The following PIP4K2B variants were observed in gnomAD, a reference collection of about 807,000 sequenced individuals.
PIP4K2B encodes phosphatidylinositol 5-phosphate 4-kinase type-2 beta.
In PIP4K2B, 3 loss-of-function variants were observed where a neutral mutation model predicts 42.0. That is an observed-to-expected ratio of 0.07 (90% CI 0.03 to 0.18). The LOEUF (loss-of-function observed/expected upper bound fraction) is 0.18. Ranked by LOEUF, PIP4K2B falls within the 10% of genes least tolerant of loss-of-function variation. The pLI, the probability that PIP4K2B is intolerant of heterozygous loss-of-function variation, is 1.00. For missense variants in PIP4K2B, 332 were observed against 562.3 expected (o/e 0.59, Z 4.14); for synonymous variants, 204 against 210.1 (o/e 0.97, Z 0.25).
At position 38,771,168 on chromosome 17, in the gene PIP4K2B, G is replaced by A. The variant is rs756733791; in HGVS notation, c.912C>T (p.Asp304=). The A allele has an allele frequency of 1.5e-5, 24 of 1,613,858 alleles. No homozygotes were observed. Among genetic ancestry groups the A allele is most frequent in the East Asian group, 4.5e-5 (2 of 44,878 alleles). The change falls in exon 8 of 10, where the codon GAC becomes GAT. Residue 304 remains aspartate, a synonymous_variant. Coordinates refer to ENST00000619039, the MANE Select transcript of PIP4K2B (RefSeq NM_003559.5). ...EEMEVEERAE[D]EECENDGVGG... ...CCACCCCATCATTCTCACACTCCTCGTCCTCTGCCCGCTCCTCCACCTCCA... is the reference window on the plus strand; with the variant it reads ...CCACCCCATCATTCTCACACTCCTCATCCTCTGCCCGCTCCTCCACCTCCA...
In PIP4K2B at chr17:38,799,229, G is replaced by A. The variant is rs374070076; in HGVS notation, c.159+37C>T. On this transcript the variant is annotated intron_variant, in intron 1 of 9. Transcript: ENST00000619039. This position sits in a 1 kb window ranked among gnomAD's most constrained non-coding sequence, Gnocchi z 4.4. ...GGCTGCAGGGGGCGTGGGAGCGCGC[G>A]GGGCCGCGCTCAGAGGGGCGCGCAG... 9.2e-5 allele frequency: 143 copies of A among 1,547,606 alleles called. No homozygotes were observed. Among genetic ancestry groups the A allele is most frequent in the South Asian group, 1.9e-4 (16 of 84,200 alleles).
chr17:38,770,397 G>T, intron 9 of PIP4K2B, 39 bp downstream of exon 9: 2 of 1,303,758 alleles, frequency 1.5e-6, no homozygotes, highest in Non-Finnish European at 1.1e-6. Context: ...CAGATGCACC[G>T]ACCCAGCTGG....
intron 3 of PIP4K2B, among the ~76,000 whole-genome samples, chr17:38,781,049 G>T (rs1194306305): frequency 1.3e-5 from 2 of 152,130 alleles, no homozygotes; most frequent in South Asian, 4.1e-4. Flanking sequence ...GTCTCTTGGG[G>T]GTAGCAAAGA....
At chr17:38,782,448 C>G (rs1197125625) in intron 3 of PIP4K2B, among the ~76,000 whole-genome samples, 1 of 152,206 alleles carries the variant, frequency 6.6e-6, no homozygotes, top group African/African-American at 2.4e-5. Context: ...AACCCCTCAC[C>G]AAGGAACAAT....
At position 38,784,433 on chromosome 17, in the gene PIP4K2B, G is replaced by A. The variant is rs1909891015; in HGVS notation, c.258-94C>T. ...TTTTTTGTAATAGAGACAGAGTCTT[G>A]CTATGTTGCCCAGACTGGTCTTGAA... On this transcript the variant is annotated intron_variant, in intron 2 of 9. Transcript: ENST00000619039. The A allele has an allele frequency of 9.7e-6, 7 of 718,378 alleles. No homozygotes were observed. The South Asian group carries it at 1.3e-4, about 14-fold the overall frequency. The allele number at this position is 718,378 out of a possible 1,614,324, so 44.5% of individuals were successfully genotyped here.
At position 38,769,280 on chromosome 17, in the gene PIP4K2B, G is replaced by A; in HGVS notation, c.*411C>T. On this transcript the variant is annotated 3_prime_UTR_variant, in exon 10 of 10. Coordinates refer to ENST00000619039, the MANE Select transcript of PIP4K2B (RefSeq NM_003559.5). ...CTGAGAGCTCAGCAAAGATGGGGAG[G>A]GTGGGTAGGCTGATGAAATATGATT... The A allele has an allele frequency of 5.4e-6, 1 of 184,364 alleles. No homozygotes were observed. Among genetic ancestry groups the A allele is most frequent in the Non-Finnish European group, 1.1e-5 (1 of 87,750 alleles). 11.4% of individuals were successfully genotyped at this position (184,364 alleles called of 1,614,324 possible). A position where few individuals can be genotyped will look rare whatever the true frequency, so the allele number is the denominator to read the frequency against.
chr17:38,786,677 C>T (rs1350917997), intron 2 of PIP4K2B, 146 bp downstream of exon 2: 1 of 689,574 alleles, frequency 1.5e-6, no homozygotes, highest in East Asian at 2.5e-5. Context: ...TTTTCCTAGC[C>T]AGTTTGTCCG....
At chr17:38,777,175 C>T (rs1338510651) in intron 7 of PIP4K2B, among the ~76,000 whole-genome samples, 21 of 152,258 alleles carry the variant, frequency 1.4e-4, no homozygotes, top group South Asian at 4.1e-4. Context: ...ACAATCCTTT[C>T]GCCTCAGCCT....
At chr17:38,778,124 C>T (rs989342415) in intron 6 of PIP4K2B, among the ~76,000 whole-genome samples, 5 of 152,122 alleles carry the variant, frequency 3.3e-5, no homozygotes, top group Non-Finnish European at 5.9e-5. Context: ...CTATGAAGAA[C>T]GTAGTGAGGG....
At chr17:38,793,542 C>G (rs1259677603) in intron 1 of PIP4K2B, among the ~76,000 whole-genome samples, 1 of 152,140 alleles carries the variant, frequency 6.6e-6, no homozygotes, top group Admixed American at 6.5e-5. Flanking sequence ...CCATGCCAGG[C>G]CCCTCTGAAG....
chr17:38,769,675 T>C lies in PIP4K2B; in HGVS notation c.*16A>G. 7.1e-7 allele frequency: 1 copy of C among 1,410,762 alleles called. No individual in the cohort carries two copies. The highest frequency in any genetic ancestry group is 1.0e-6 in the Non-Finnish European group (1 of 994,270). The allele number at this position is 1,410,762 out of a possible 1,614,324, so 87.4% of individuals were successfully genotyped here. ...CCATATCCAGCTCTCTGGCTCTGGC[T>C]GAAGGTAGAAGAGAACTACGTCAGG... On this transcript the variant is annotated 3_prime_UTR_variant, in exon 10 of 10. Transcript: ENST00000619039.
At chr17:38,793,172 G>A (rs228239) in intron 1 of PIP4K2B, among the ~76,000 whole-genome samples, 30,478 of 151,352 alleles carry the variant, frequency 0.2, 3,211 homozygotes, top group Admixed American at 0.28. Flanking sequence ...CAAGTGATCC[G>A]CCTGCCTCGG....
chr17:38,770,197 C>T lies in PIP4K2B; in HGVS notation c.1170+239G>A, dbSNP rs148290501. ...GGAAAGACACTGGCAGGCTTGGCCC[C>T]GAGGGCTGGAGAACTGGGGGATAAA... On this transcript the variant is annotated intron_variant, in intron 9 of 9. Transcript: ENST00000619039. Among the ~76,000 whole-genome samples, 32 of 152,288 alleles carry T rather than the reference C, an allele frequency of 2.1e-4. 1 individual carries two copies. The highest frequency in any genetic ancestry group is 1.5e-3 in the East Asian group (8 of 5,182).
At chr17:38,774,978 CTCGTTCTGT>C (rs1190257146) in intron 7 of PIP4K2B, among the ~76,000 whole-genome samples, 6 of 151,516 alleles carry the variant, frequency 4.0e-5, no homozygotes, top group Admixed American at 1.3e-4. Context: ...GAGATGAGGT[CTCGTTCTGT>C]CGCCCAGGCT....
chr17:38,767,216 G>A lies in PIP4K2B; in HGVS notation c.*2475C>T, dbSNP rs1482122951. On this transcript the variant is annotated 3_prime_UTR_variant, in exon 10 of 10. Coordinates refer to ENST00000619039, the MANE Select transcript of PIP4K2B (RefSeq NM_003559.5). Reference sequence around the variant, plus strand: ...GAAAGAGTGGGGGCAGACAACGCTTGGGGGATCAGTCCACTTTCTCTACAT... The same window carrying A: ...GAAAGAGTGGGGGCAGACAACGCTTAGGGGATCAGTCCACTTTCTCTACAT... 6.6e-6 allele frequency: 1 copy of A among 152,084 alleles called. No individual in the cohort carries two copies. Among genetic ancestry groups the A allele is most frequent in the Non-Finnish European group, 1.5e-5 (1 of 68,018 alleles). The allele number at this position is 152,084 out of a possible 1,614,324, so 9.4% of individuals were successfully genotyped here. A position where few individuals can be genotyped will look rare whatever the true frequency, so the allele number is the denominator to read the frequency against.
intron 5 of PIP4K2B, 152 bp downstream of exon 5, chr17:38,779,231 G>C: frequency 1.4e-6 from 1 of 728,948 alleles, no homozygotes; most frequent in Non-Finnish European, 2.3e-6. Flanking sequence ...ACTGCCTTTG[G>C]TCCACAAGAA....
intron 1 of PIP4K2B, among the ~76,000 whole-genome samples, chr17:38,797,050 T>C (rs987771730): frequency 6.6e-6 from 1 of 152,234 alleles, no homozygotes; most frequent in Non-Finnish European, 1.5e-5. Flanking sequence ...CTAACTGGCC[T>C]CTGAAGCTTA....
At chr17:38,771,674 G>A (rs941683502) in intron 7 of PIP4K2B, among the ~76,000 whole-genome samples, 1 of 152,066 alleles carries the variant, frequency 6.6e-6, no homozygotes, top group Admixed American at 6.6e-5. Context: ...AAGTACTGCA[G>A]GTTAAAGATA....
In PIP4K2B at chr17:38,769,513, C is replaced by T; in HGVS notation, c.*178G>A. The T allele has an allele frequency of 1.6e-6, 1 of 642,388 alleles. No individual in the cohort carries two copies. The highest frequency in any genetic ancestry group is 2.4e-5 in the Admixed American group (1 of 41,696). 39.8% of individuals were successfully genotyped at this position (642,388 alleles called of 1,614,324 possible). On this transcript the variant is annotated 3_prime_UTR_variant, in exon 10 of 10. Coordinates refer to ENST00000619039, the MANE Select transcript of PIP4K2B (RefSeq NM_003559.5). ...TGAGCAGGTGCACACACAGCACATC[C>T]CCCTCCTCTTCAGCTAAAGTCTCTT...
Sources: allele counts gnomAD v4.1 joint callset (sites outside exome capture counted in the v4.1 genomes callset), GRCh38; gene constraint gnomAD v4.1.1; non-coding constraint Gnocchi (gnomAD v3.1); transcripts MANE v1.5; gene names NCBI Gene and HGNC (gene_info 2026-07-23, HGNC 2026-07-21).